SPATA16: variants seen among roughly 807,000 people sequenced by gnomAD.
SPATA16 encodes spermatogenesis associated 16.
A neutral mutation model predicts 63.3 loss-of-function variants in SPATA16; 36 were observed. The observed-to-expected ratio is 0.57, with a 90% confidence interval of 0.44 to 0.75. The LOEUF (loss-of-function observed/expected upper bound fraction) is 0.75. Among genes scored for constraint, SPATA16 ranks in the 30% least tolerant of loss-of-function variants. The probability of loss-of-function intolerance (pLI) is 0.00; values close to 1 mark genes in which losing one functional copy is unlikely to be tolerated. For missense variants in SPATA16, 646 were observed against 679.3 expected, an observed-to-expected ratio of 0.95 and a Z score of 0.54; for synonymous variants, 203 against 216.7, an observed-to-expected ratio of 0.94 and a Z score of 0.56.
At chr3:172,978,459 C>T (rs968840692) in intron 4 of SPATA16, among the ~76,000 whole-genome samples, 6 of 151,996 alleles carry the variant, frequency 3.9e-5, no homozygotes, top group Admixed American at 3.3e-4. Flanking sequence ...AAAGTTTACT[C>T]GACATGGAGG....
At chr3:173,044,421 C>A (rs1335583549) in intron 3 of SPATA16, among the ~76,000 whole-genome samples, 5 of 152,108 alleles carry the variant, frequency 3.3e-5, no homozygotes, top group Non-Finnish European at 7.4e-5. Context: ...ATATTTTATT[C>A]ATCTATGCTA....
At chr3:173,019,120 C>T (rs1311042528) in intron 4 of SPATA16, among the ~76,000 whole-genome samples, 1 of 152,082 alleles carries the variant, frequency 6.6e-6, no homozygotes, top group Non-Finnish European at 1.5e-5. Flanking sequence ...ATCTTTTTCA[C>T]GTGATTGGAT....
At chr3:172,937,527 A>G (rs1337588024) in intron 6 of SPATA16, among the ~76,000 whole-genome samples, 1 of 152,228 alleles carries the variant, frequency 6.6e-6, no homozygotes, top group Non-Finnish European at 1.5e-5. Flanking sequence ...CACAGATTTC[A>G]GTTGAGCTGA....
intron 3 of SPATA16, among the ~76,000 whole-genome samples, chr3:173,034,179 T>G (rs561235929): frequency 1.3e-5 from 2 of 152,296 alleles, no homozygotes; most frequent in East Asian, 3.9e-4. Flanking sequence ...ATACTTAAAC[T>G]AATATTTTGA....
At chr3:173,110,207 A>G (rs1477607859) in intron 2 of SPATA16, among the ~76,000 whole-genome samples, 1 of 152,198 alleles carries the variant, frequency 6.6e-6, no homozygotes, top group East Asian at 1.9e-4. Context: ...TGAAGAGTTC[A>G]CAGTCAGTTT....
chr3:172,964,213 C>T (rs939900626), intron 5 of SPATA16, among the ~76,000 whole-genome samples: 4 of 152,154 alleles, frequency 2.6e-5, no homozygotes, highest in Non-Finnish European at 1.5e-5. Flanking sequence ...TGAAAAGAAA[C>T]ATTTACAAAA....
At chr3:172,954,084 A>G (rs746192744) in intron 6 of SPATA16, among the ~76,000 whole-genome samples, 1 of 152,260 alleles carries the variant, frequency 6.6e-6, no homozygotes, top group Non-Finnish European at 1.5e-5. Flanking sequence ...AATTCTATCT[A>G]CAAGGCTGAT....
At chr3:172,931,432 G>C (rs1366427757) in intron 6 of SPATA16, among the ~76,000 whole-genome samples, 2 of 152,056 alleles carry the variant, frequency 1.3e-5, no homozygotes, top group Admixed American at 6.5e-5. Context: ...ATTTTTAGTA[G>C]AGATGGGGTC....
chr3:173,040,446 GT>G (rs1735814108), intron 3 of SPATA16, among the ~76,000 whole-genome samples: 1 of 152,070 alleles, frequency 6.6e-6, no homozygotes, highest in African/African-American at 2.4e-5. Context: ...GTAGAGTCTC[GT>G]GATTTAAAAG....
intron 3 of SPATA16, among the ~76,000 whole-genome samples, chr3:173,035,922 T>G (rs1735705831): frequency 6.6e-6 from 1 of 151,914 alleles, no homozygotes; most frequent in African/African-American, 2.4e-5. Flanking sequence ...TGGTATTCAC[T>G]GAGTGTATTC....
intron 1 of SPATA16, among the ~76,000 whole-genome samples, chr3:173,139,110 G>A (rs1227016580): frequency 6.6e-6 from 1 of 152,160 alleles, no homozygotes; most frequent in Admixed American, 6.5e-5. Context: ...TCATGTAATT[G>A]TTGAGAAGAG....
At position 173,117,679 on chromosome 3, in the gene SPATA16, T is replaced by C. The variant is rs115897458; in HGVS notation, c.53A>G (p.His18Arg). The C allele has an allele frequency of 7.0e-3, 11,239 of 1,614,160 alleles. 61 individuals are homozygous for C. Among genetic ancestry groups the C allele is most frequent in the Non-Finnish European group, 8.4e-3 (9,958 of 1,180,006 alleles). ...SLENAVNRIY[H>R]DQLVPKINTS... ...GTTTATCTTTGGAACAAGCTGATCA[T>C]GATAGATCCTATTCACTGCATTCTC... The change falls in exon 2 of 11, where the codon CAT becomes CGT. Residue 18 changes from histidine (H) to arginine (R), a missense_variant. Transcript: ENST00000351008.
intron 4 of SPATA16, among the ~76,000 whole-genome samples, chr3:172,978,138 CCT>C (rs71162321): frequency 7.4e-4 from 109 of 148,006 alleles, no homozygotes; most frequent in East Asian, 5.9e-3. Flanking sequence ...TCTCTCTCTC[CCT>C]CTCTCTCTCT....
At chr3:173,118,209 T>A (rs1737959077) in intron 1 of SPATA16, among the ~76,000 whole-genome samples, 1 of 152,224 alleles carries the variant, frequency 6.6e-6, no homozygotes, top group Non-Finnish European at 1.5e-5. Flanking sequence ...AGCTGCTTCC[T>A]CTGAAAAGCT....
At chr3:173,111,568 GA>G (rs963849027) in intron 2 of SPATA16, among the ~76,000 whole-genome samples, 9 of 152,206 alleles carry the variant, frequency 5.9e-5, no homozygotes, top group African/African-American at 2.2e-4. Flanking sequence ...TGGCACCAAA[GA>G]AATACCTGTG....
chr3:172,917,565 A>G (rs761513404), intron 8 of SPATA16, among the ~76,000 whole-genome samples: 6 of 152,186 alleles, frequency 3.9e-5, no homozygotes, highest in Non-Finnish European at 8.8e-5. Context: ...GCTTCACCCA[A>G]TCACAATCTC....
At chr3:173,093,748 C>G (rs1737280162) in intron 2 of SPATA16, among the ~76,000 whole-genome samples, 1 of 152,128 alleles carries the variant, frequency 6.6e-6, no homozygotes, top group Admixed American at 6.5e-5. Context: ...TAGATAACCT[C>G]AAAAGGTATT....
intron 6 of SPATA16, among the ~76,000 whole-genome samples, chr3:172,952,246 A>G (rs1191058414): frequency 2.0e-5 from 3 of 152,188 alleles, no homozygotes; most frequent in Non-Finnish European, 4.4e-5. Flanking sequence ...AACTTGTTGT[A>G]TACACTGTAG....
chr3:172,988,288 A>T (rs1734499983), intron 4 of SPATA16, among the ~76,000 whole-genome samples: 1 of 152,216 alleles, frequency 6.6e-6, no homozygotes, highest in Non-Finnish European at 1.5e-5. Flanking sequence ...CAATGAAATA[A>T]AACTAAATAA....
Sources: gnomAD v4.1 joint callset for allele counts (sites outside exome capture counted in the v4.1 genomes callset) on GRCh38, gnomAD v4.1.1 for gene constraint, MANE v1.5 for transcripts, NCBI Gene and HGNC (gene_info 2026-07-23, HGNC 2026-07-21) for gene names.